The following EPN2 variants were observed in gnomAD, a reference collection of about 807,000 sequenced individuals.
EPN2 encodes epsin 2, also known as epsin-2.
EPN2 carries 34 observed loss-of-function variants against 61.7 expected under a neutral mutation model. The observed-to-expected ratio is 0.55, with a 90% CI of 0.42 to 0.73. The LOEUF (loss-of-function observed/expected upper bound fraction) is 0.73. Ranked by LOEUF, EPN2 falls within the 30% of genes least tolerant of loss-of-function variation. The probability of loss-of-function intolerance (pLI) is 0.00; values close to 1 mark genes in which losing one functional copy is unlikely to be tolerated. For synonymous variants in EPN2, 349 were observed against 353.6 expected (o/e 0.99, Z 0.15); for missense variants, 714 against 839.2 (o/e 0.85, Z 1.84).
intron 6 of EPN2, chr17:19,312,891 G>C (rs1906212508): frequency 5.5e-6 from 3 of 541,724 alleles, no homozygotes; most frequent in Non-Finnish European, 9.7e-6. Context: ...GTCTGGTGAG[G>C]GGGTTTAGCA....
chr17:19,313,248 T>C lies in EPN2; in HGVS notation c.1116T>C (p.Pro372=), dbSNP rs1598016293. The C allele has an allele frequency of 1.3e-6, 2 of 1,582,048 alleles. No homozygotes were observed. The highest frequency in any genetic ancestry group is 1.7e-6 in the Non-Finnish European group (2 of 1,167,618). ...QTNPWGGPAA[P]ASTSDPWPSF... ...ACCCCTGGGGCGGGCCAGCGGCTCC[T>C]GCGAGTACTTCAGACCCCTGGCCAT... Residue 372 remains proline, a synonymous_variant, in exon 7 of 11, where the codon CCT becomes CCC. Transcript: ENST00000314728.
At chr17:19,333,923 G>C in intron 10 of EPN2, 33 bp from the exon 11 acceptor site, 1 of 1,503,352 alleles carries the variant, frequency 6.7e-7, no homozygotes, top group Non-Finnish European at 8.9e-7. Context: ...CACCCTGACG[G>C]CTCAGCCTCT....
At chr17:19,256,154 G>A (rs781744764) in intron 1 of EPN2, among the ~76,000 whole-genome samples, 5 of 151,998 alleles carry the variant, frequency 3.3e-5, no homozygotes, top group Middle Eastern at 3.4e-3. Flanking sequence ...AGCCAGGATG[G>A]TCGCGATCTC....
intron 1 of EPN2, among the ~76,000 whole-genome samples, chr17:19,242,140 A>G (rs1178445059): frequency 6.6e-6 from 1 of 151,522 alleles, no homozygotes; most frequent in Non-Finnish European, 1.5e-5. Context: ...CTGAAAAAAA[A>G]AAAAAAAAAG....
intron 7 of EPN2, among the ~76,000 whole-genome samples, chr17:19,320,825 C>T (rs549453092): frequency 6.6e-6 from 1 of 152,354 alleles, no homozygotes; most frequent in South Asian, 2.1e-4. Context: ...GAAGTGGTCA[C>T]TGAACTCCAG....
intron 1 of EPN2, among the ~76,000 whole-genome samples, chr17:19,266,686 G>A (rs1464143396): frequency 6.6e-6 from 1 of 151,654 alleles, no homozygotes; most frequent in Admixed American, 6.6e-5. Context: ...ACAGGCATAA[G>A]CCACCACGCC....
chr17:19,293,295 G>T (rs960131757), intron 4 of EPN2, among the ~76,000 whole-genome samples: 1 of 150,578 alleles, frequency 6.6e-6, no homozygotes, highest in Non-Finnish European at 1.5e-5. Context: ...TGGGAGATTC[G>T]CTTGAACCTG....
intron 1 of EPN2, among the ~76,000 whole-genome samples, chr17:19,244,351 C>T (rs922022186): frequency 7.3e-5 from 11 of 151,430 alleles, no homozygotes; most frequent in South Asian, 4.2e-4. Context: ...CCCAACTACT[C>T]GAGAGGCTGA....
intron 1 of EPN2, among the ~76,000 whole-genome samples, chr17:19,239,202 C>T (rs185736332): frequency 6.6e-6 from 1 of 152,346 alleles, no homozygotes; most frequent in Non-Finnish European, 1.5e-5. Context: ...GGCTAGAGTG[C>T]AGTGGCACGA....
intron 1 of EPN2, among the ~76,000 whole-genome samples, chr17:19,250,665 G>A (rs907774723): frequency 2.6e-5 from 4 of 152,184 alleles, no homozygotes; most frequent in East Asian, 1.9e-4. Flanking sequence ...TGGGGCTTGC[G>A]GGTGCCAGTT....
At chr17:19,256,229 G>A (rs947323714) in intron 1 of EPN2, among the ~76,000 whole-genome samples, 6 of 151,940 alleles carry the variant, frequency 3.9e-5, no homozygotes, top group African/African-American at 7.3e-5. Flanking sequence ...GAGCCACCGC[G>A]CCTGGCCCCA....
rs1363238036 is a variant in EPN2 at position 19,258,149 on chromosome 17, G to GTGCTGGTGCTGATGCTGA, written c.-294+20624_-294+20641dup. The GTGCTGGTGCTGATGCTGA allele has an allele frequency of 6.7e-5, 11 of 163,716 alleles. 1 individual carries two copies. Among genetic ancestry groups the GTGCTGGTGCTGATGCTGA allele is most frequent in the African/African-American group, 2.6e-4 (11 of 41,780 alleles). 10.1% of individuals were successfully genotyped at this position (163,716 alleles called of 1,614,324 possible). ...TAAGCACTGACTCAGGTGGCTGCTG[G>GTGCTGGTGCTGATGCTGA]TGCTGGTGCTGATGCTGATGCTGAG... On this transcript the variant is annotated intron_variant, in intron 1 of 10. Transcript: ENST00000314728.
intron 1 of EPN2, among the ~76,000 whole-genome samples, chr17:19,250,181 G>A (rs1441998253): frequency 6.6e-6 from 1 of 150,946 alleles, no homozygotes; most frequent in Non-Finnish European, 1.5e-5. Flanking sequence ...TGCAACCTCC[G>A]CCTCCCTGGT....
At chr17:19,297,387 A>G (rs2045530564) in intron 4 of EPN2, 2 of 152,290 alleles carry the variant, frequency 1.3e-5, no homozygotes, top group Admixed American at 1.3e-4. Flanking sequence ...ATAGTATAAC[A>G]GTATTATGGA....
At chr17:19,290,232 C>T (rs1277856859) in intron 4 of EPN2, among the ~76,000 whole-genome samples, 1 of 152,140 alleles carries the variant, frequency 6.6e-6, no homozygotes, top group African/African-American at 2.4e-5. Flanking sequence ...CCTAAGATCA[C>T]GCAGAGATGG....
At chr17:19,319,903 C>G (rs1906565067) in intron 7 of EPN2, among the ~76,000 whole-genome samples, 1 of 152,250 alleles carries the variant, frequency 6.6e-6, no homozygotes, top group Admixed American at 6.5e-5. Flanking sequence ...CTCGGCCTCC[C>G]CAAGTGTTGG....
At chr17:19,271,927 A>G (rs1024368181) in intron 1 of EPN2, among the ~76,000 whole-genome samples, 7 of 152,022 alleles carry the variant, frequency 4.6e-5, no homozygotes, top group African/African-American at 1.7e-4. Context: ...TTATTTCCAC[A>G]CTCTCGCAGG....
At chr17:19,294,619 T>C (rs190724596) in intron 4 of EPN2, among the ~76,000 whole-genome samples, 66 of 152,390 alleles carry the variant, frequency 4.3e-4, no homozygotes, top group African/African-American at 1.5e-3. Context: ...AACAGTATGA[T>C]ACATAGTTGT....
intron 7 of EPN2, among the ~76,000 whole-genome samples, chr17:19,324,257 C>T (rs1382559603): frequency 2.6e-5 from 4 of 152,204 alleles, no homozygotes; most frequent in Non-Finnish European, 4.4e-5. Flanking sequence ...AACCTTCATA[C>T]ACCTAAAATT....
Sources: allele counts gnomAD v4.1 joint callset (sites outside exome capture counted in the v4.1 genomes callset), GRCh38; gene constraint gnomAD v4.1.1; transcripts MANE v1.5; gene names NCBI Gene and HGNC (gene_info 2026-07-23, HGNC 2026-07-21).